ZNF644: variants seen among roughly 807,000 people sequenced by gnomAD.
The protein encoded by ZNF644 is zinc finger protein 644, also known as zinc finger motif enhancer binding protein 2.
In ZNF644, 20 loss-of-function variants were observed where a neutral mutation model predicts 108.0. The ratio of observed to expected loss-of-function variants is 0.19; its 90% confidence interval spans 0.13 to 0.27. The LOEUF is 0.27. ZNF644 is among the 10% of genes least tolerant of loss of function. The probability of loss-of-function intolerance (pLI) is 1.00; values close to 1 mark genes in which losing one functional copy is unlikely to be tolerated. For missense variants in ZNF644, 1,338 were observed against 1,548.9 expected (o/e 0.86, Z 2.29); for synonymous variants, 542 against 539.1 (o/e 1.01, Z -0.08).
At chr1:91,020,867 AACAAG>A (rs1660844246) in intron 1 of ZNF644, 1 of 152,190 alleles carries the variant, frequency 6.6e-6, no homozygotes, top group Non-Finnish European at 1.5e-5. Context: ...TGAAATTATT[AACAAG>A]ACAAGACCAT....
At chr1:90,985,424 C>T (rs1656994637) in intron 1 of ZNF644, among the ~76,000 whole-genome samples, 1 of 152,126 alleles carries the variant, frequency 6.6e-6, no homozygotes, top group South Asian at 2.1e-4. Flanking sequence ...CTGAATAAAA[C>T]TTTGTACCAT....
Position 90,946,103 on chromosome 1 carries a change from A to G in ZNF644, c.45-4794T>C, listed in dbSNP as rs1413483653. 3.3e-5 allele frequency among the ~76,000 whole-genome samples: 5 copies of G among 152,104 alleles called. No homozygotes were observed. In the East Asian group the frequency reaches 9.6e-4, roughly 29 times the overall value. On this transcript the variant is annotated intron_variant, in intron 2 of 5. Transcript: ENST00000337393. ...GAAGAGAAAACAATTCACAAGTGTCAGTCTAACTGTAAAACAGATCTTAAT... is the reference window on the plus strand; with the variant it reads ...GAAGAGAAAACAATTCACAAGTGTCGGTCTAACTGTAAAACAGATCTTAAT...
intron 4 of ZNF644, among the ~76,000 whole-genome samples, chr1:90,918,718 AT>A (rs1649085051): frequency 6.6e-6 from 1 of 152,148 alleles, no homozygotes; most frequent in African/African-American, 2.4e-5. Context: ...TTTATAATAA[AT>A]AGCTCTTAAA....
chr1:90,962,506 G>C (rs1382114396), intron 2 of ZNF644, among the ~76,000 whole-genome samples: 1 of 152,182 alleles, frequency 6.6e-6, no homozygotes, highest in East Asian at 1.9e-4. Flanking sequence ...GTTCTAGATA[G>C]AAGGTAGATC....
rs116315856 is a variant in ZNF644 at position 90,993,884 on chromosome 1, A to G, written c.-17-11514T>C. Among the ~76,000 whole-genome samples, 276 of 152,284 alleles carry G rather than the reference A, an allele frequency of 1.8e-3. 1 individual carries two copies. The highest frequency in any genetic ancestry group is 6.8e-3 in the Middle Eastern group (2 of 294). On this transcript the variant is annotated intron_variant, in intron 1 of 5. Coordinates refer to ENST00000337393, the MANE Select transcript of ZNF644 (RefSeq NM_201269.3). ...AATCTATAAAAACTGTTATAGAGCA[A>G]TCTTCTATTTCTAATATTGCCTCTA...
At chr1:90,972,128 A>T (rs1485638117) in intron 2 of ZNF644, among the ~76,000 whole-genome samples, 1 of 152,162 alleles carries the variant, frequency 6.6e-6, no homozygotes, top group Non-Finnish European at 1.5e-5. Context: ...CTAAACAAAC[A>T]AACAAACAAA....
At chr1:91,019,156 T>C (rs1022183702) in intron 1 of ZNF644, among the ~76,000 whole-genome samples, 1 of 152,250 alleles carries the variant, frequency 6.6e-6, no homozygotes, top group African/African-American at 2.4e-5. Context: ...CCACCATAAA[T>C]GACTGTCACT....
chr1:91,001,491 C>T (rs1322879098), intron 1 of ZNF644, among the ~76,000 whole-genome samples: 1 of 152,200 alleles, frequency 6.6e-6, no homozygotes, highest in Non-Finnish European at 1.5e-5. Flanking sequence ...AACAGCCCTT[C>T]ATGCTAGAAA....
intron 4 of ZNF644, among the ~76,000 whole-genome samples, 165 bp downstream of exon 4, chr1:90,937,320 T>G (rs769534092): frequency 6.6e-6 from 1 of 151,868 alleles, no homozygotes; most frequent in African/African-American, 2.4e-5. Context: ...AATTGATGAG[T>G]TATACAGAAA....
intron 1 of ZNF644, among the ~76,000 whole-genome samples, chr1:90,985,032 C>A (rs535933117): frequency 6.6e-6 from 1 of 152,252 alleles, no homozygotes; most frequent in Non-Finnish European, 1.5e-5. Flanking sequence ...AAACACCACA[C>A]ACATACAAAC....
At chr1:91,017,141 G>A (rs1476898344) in intron 1 of ZNF644, among the ~76,000 whole-genome samples, 15 of 151,974 alleles carry the variant, frequency 9.9e-5, no homozygotes, top group Non-Finnish European at 2.2e-4. Flanking sequence ...CCTATATAAA[G>A]TATTTTAAAA....
At chr1:90,951,240 C>T (rs935003108) in intron 2 of ZNF644, among the ~76,000 whole-genome samples, 1 of 152,164 alleles carries the variant, frequency 6.6e-6, no homozygotes. Flanking sequence ...TCGGAGTGAT[C>T]CATACAGATA....
chr1:90,937,070 T>C (rs1198092613), intron 4 of ZNF644, among the ~76,000 whole-genome samples: 1 of 152,172 alleles, frequency 6.6e-6, no homozygotes, highest in Non-Finnish European at 1.5e-5. Flanking sequence ...CTTGAAAACA[T>C]GATCACCTTG....
At chr1:91,017,482 G>A (rs2100693443) in intron 1 of ZNF644, among the ~76,000 whole-genome samples, 1 of 152,234 alleles carries the variant, frequency 6.6e-6, no homozygotes. Flanking sequence ...CTTCTGCCCT[G>A]GCAGGCTCCT....
intron 1 of ZNF644, among the ~76,000 whole-genome samples, chr1:91,019,761 T>C (rs1452947044): frequency 6.6e-6 from 1 of 152,130 alleles, no homozygotes; most frequent in Non-Finnish European, 1.5e-5. Flanking sequence ...GAGACGGGGT[T>C]TCACCATGTT....
rs1317547476 is a variant in ZNF644, at chr1:91,005,908, C to A, written c.-18+16082G>T. On this transcript the variant is annotated intron_variant, in intron 1 of 5. Coordinates refer to ENST00000337393, the MANE Select transcript of ZNF644 (RefSeq NM_201269.3). ...ACAAAAGAAAAAATTAAATAAAGAA[C>A]ACAGCAGAAATAGAGAACAGAAAAA... Among the ~76,000 whole-genome samples the A allele has an allele frequency of 3.3e-5, 5 of 150,726 alleles. No individual in the cohort carries two copies. In the East Asian group the frequency reaches 9.8e-4, roughly 30 times the overall value.
At chr1:90,924,322 T>C (rs914706129) in intron 4 of ZNF644, among the ~76,000 whole-genome samples, 2 of 152,156 alleles carry the variant, frequency 1.3e-5, no homozygotes, top group Admixed American at 6.5e-5. Context: ...AAATAGGCAT[T>C]AGCCATCAAC....
At chr1:90,972,749 T>C (rs879912754) in intron 2 of ZNF644, 2 of 152,204 alleles carry the variant, frequency 1.3e-5, no homozygotes, top group Non-Finnish European at 2.9e-5. Context: ...ACAACATGTG[T>C]TACATACATA....
Position 90,940,001 on chromosome 1 carries a change from T to C in ZNF644, c.1353A>G (p.Arg451=), listed in dbSNP as rs900714910. The change falls in exon 3 of 6, where the codon AGA becomes AGG. Residue 451 remains arginine (R), a synonymous_variant. Coordinates refer to ENST00000337393, the MANE Select transcript of ZNF644 (RefSeq NM_201269.3). ...GATCTCGAAATGTCCGTCCACATTC[T>C]CTACAAGCATATGGCCTTGGGACAT... is the stretch of plus-strand genomic sequence containing the variant. ...HLNVPRPYAC[R]ECGRTFRDRN... is the part of the protein sequence containing the mutation. 1 of 1,614,070 alleles carries C rather than the reference T, an allele frequency of 6.2e-7. No homozygotes were observed. The highest frequency in any genetic ancestry group is 8.5e-7 in the Non-Finnish European group (1 of 1,179,968).
Sources: allele counts gnomAD v4.1 joint callset (sites outside exome capture counted in the v4.1 genomes callset), GRCh38; gene constraint gnomAD v4.1.1; transcripts MANE v1.5; gene names NCBI Gene and HGNC (gene_info 2026-07-23, HGNC 2026-07-21).